Variants in CAMTA1 observed in about 807,000 individuals in gnomAD.
CAMTA1 encodes calmodulin-binding transcription activator 1.
In CAMTA1, 27 loss-of-function variants were observed where a neutral mutation model predicts 170.9. The observed-to-expected ratio is 0.16, with a 90% confidence interval of 0.12 to 0.22. CAMTA1 has a LOEUF of 0.22. Among genes scored for constraint, CAMTA1 ranks in the 10% least tolerant of loss-of-function variants. The pLI is 1.00. For synonymous variants in CAMTA1, 833 were observed against 891.5 expected (o/e 0.93, Z 1.17); for missense variants, 1,619 against 2,217.2 (o/e 0.73, Z 5.42).
chr1:7,001,197 C>T (rs894938118), intron 3 of CAMTA1, among the ~76,000 whole-genome samples: 5 of 152,170 alleles, frequency 3.3e-5, no homozygotes, highest in Admixed American at 6.5e-5. Flanking sequence ...ATTTTCAGAG[C>T]ACTTCTCACC....
At chr1:7,282,432 C>T (rs561475199) in intron 5 of CAMTA1, among the ~76,000 whole-genome samples, 6 of 152,292 alleles carry the variant, frequency 3.9e-5, no homozygotes, top group African/African-American at 1.4e-4. Context: ...AGCAGAATCA[C>T]CAGGCCAGCA....
chr1:7,571,835 T>C (rs1212151079), intron 6 of CAMTA1, among the ~76,000 whole-genome samples: 1 of 152,242 alleles, frequency 6.6e-6, no homozygotes, highest in East Asian at 1.9e-4. Context: ...ACAATTTATA[T>C]TCCTTTGGGT....
At chr1:7,698,724 C>A (rs2096405380) in intron 11 of CAMTA1, 2 of 152,306 alleles carry the variant, frequency 1.3e-5, no homozygotes, top group East Asian at 1.9e-4. Flanking sequence ...GGATCCCCAG[C>A]TGTCAGGGAC....
At chr1:7,166,756 GA>G (rs1455234554) in intron 4 of CAMTA1, among the ~76,000 whole-genome samples, 2 of 150,464 alleles carry the variant, frequency 1.3e-5, no homozygotes, top group Non-Finnish European at 3.0e-5. Flanking sequence ...ATACTTTTAA[GA>G]AAGTGTTCCT....
In CAMTA1 at chr1:7,661,777, C is replaced by T. The variant is rs200384307; in HGVS notation, c.716C>T (p.Ser239Leu). The change falls in exon 8 of 23, where the codon TCG becomes TTG. Residue 239 changes from serine to leucine, a missense_variant. Physicochemically the swap from Ser to Leu is moderately radical, Grantham distance 145 (BLOSUM62 -2). Transcript: ENST00000303635. ...CSNGNSSSGF[S>L]VEQLVQQILD... ...AATGGGAACAGCAGCTCAGGCTTCT[C>T]GGTGGAACAGCTGGTGCAGCAGATC... 1.0e-4 allele frequency: 164 copies of T among 1,613,848 alleles called. No individual in the cohort carries two copies. The highest frequency in any genetic ancestry group is 1.3e-4 in the Non-Finnish European group (155 of 1,180,012).
chr1:6,799,315 T>C (rs757946684), intron 1 of CAMTA1, among the ~76,000 whole-genome samples: 15 of 152,170 alleles, frequency 9.9e-5, no homozygotes, highest in Non-Finnish European at 1.8e-4. Flanking sequence ...GCAGTCATCC[T>C]GTCTCAGCCT....
intron 3 of CAMTA1, among the ~76,000 whole-genome samples, chr1:6,834,178 A>G (rs1308162131): frequency 1.4e-5 from 2 of 147,392 alleles, no homozygotes; most frequent in Non-Finnish European, 3.0e-5. Flanking sequence ...TTTACTGTTA[A>G]TCATCTTTTT....
At chr1:7,491,120 T>A (rs2093696944) in intron 6 of CAMTA1, among the ~76,000 whole-genome samples, 1 of 152,162 alleles carries the variant, frequency 6.6e-6, no homozygotes, top group African/African-American at 2.4e-5. Flanking sequence ...TACCTCCACA[T>A]CTGAACTCCT....
At position 6,895,553 on chromosome 1, in the gene CAMTA1, A is replaced by G. The variant is rs547382245; in HGVS notation, c.234+70343A>G. Among the ~76,000 whole-genome samples the G allele has an allele frequency of 1.6e-4, 24 of 152,342 alleles. No homozygotes were observed. In the South Asian group the frequency reaches 4.8e-3, roughly 30 times the overall value. On this transcript the variant is annotated intron_variant, in intron 3 of 22. Coordinates refer to ENST00000303635, the MANE Select transcript of CAMTA1 (RefSeq NM_015215.4). ...AGCTTAAACCCTACAGTGACTTTCT[A>G]TCCATTTGGAGTCCGGTCAGCATGA...
At chr1:6,868,883 A>C (rs1389842906) in intron 3 of CAMTA1, among the ~76,000 whole-genome samples, 2 of 152,194 alleles carry the variant, frequency 1.3e-5, no homozygotes, top group African/African-American at 4.8e-5. Context: ...TTCCAGTTTT[A>C]GATTAAGGAT....
At chr1:7,710,783 A>G (rs1357805673) in intron 11 of CAMTA1, among the ~76,000 whole-genome samples, 1 of 151,838 alleles carries the variant, frequency 6.6e-6, no homozygotes, top group Non-Finnish European at 1.5e-5. Flanking sequence ...CCAATATGGC[A>G]GCAGCAAGAT....
intron 6 of CAMTA1, among the ~76,000 whole-genome samples, chr1:7,604,002 A>G (rs1349786098): frequency 6.6e-6 from 1 of 152,188 alleles, no homozygotes; most frequent in Non-Finnish European, 1.5e-5. Context: ...AGAATGTTGA[A>G]TATTGGCCCC....
At position 7,044,879 on chromosome 1, in the gene CAMTA1, A is replaced by G. The variant is rs970813185; in HGVS notation, c.235-46425A>G. Among the ~76,000 whole-genome samples the G allele has an allele frequency of 1.7e-5, 2 of 120,268 alleles. No homozygotes were observed. Among genetic ancestry groups the G allele is most frequent in the Admixed American group, 1.7e-4 (2 of 11,476 alleles). 78.9% of individuals were successfully genotyped at this position (120,268 alleles called of 152,430 possible). Reference sequence around the variant, plus strand: ...CCAGCAGTGCCTCCTCTCCCCATTAACATCCCGCCATTTTGATTAAAAAAA... The same window carrying G: ...CCAGCAGTGCCTCCTCTCCCCATTAGCATCCCGCCATTTTGATTAAAAAAA... On this transcript the variant is annotated intron_variant, in intron 3 of 22. Coordinates refer to ENST00000303635, the MANE Select transcript of CAMTA1 (RefSeq NM_015215.4). The surrounding 1 kb of genome is among the most constrained non-coding windows in gnomAD (Gnocchi z 5.0).
In CAMTA1 at chr1:7,547,126, G is replaced by T. The variant is rs1429412495; in HGVS notation, c.510+79225G>T. Among the ~76,000 whole-genome samples, 1 of 151,940 alleles carries T rather than the reference G, an allele frequency of 6.6e-6. No homozygotes were observed. The highest frequency in any genetic ancestry group is 1.5e-5 in the Non-Finnish European group (1 of 67,994). ...GGACCTCCATTCAAGCTGGTTTCTGGGTCATTTGATATAAGCCCAATCATT... is the reference window on the plus strand; with the variant it reads ...GGACCTCCATTCAAGCTGGTTTCTGTGTCATTTGATATAAGCCCAATCATT... On this transcript the variant is annotated intron_variant, in intron 6 of 22. Transcript: ENST00000303635. This position sits in a 1 kb window ranked among gnomAD's most constrained non-coding sequence, Gnocchi z 5.7.
chr1:7,705,434 G>T (rs1027725217), intron 11 of CAMTA1, among the ~76,000 whole-genome samples: 6 of 151,480 alleles, frequency 4.0e-5, no homozygotes, highest in African/African-American at 1.2e-4. Context: ...GCGCGCGCGG[G>T]CCGGATGAGC....
intron 9 of CAMTA1, among the ~76,000 whole-genome samples, chr1:7,668,433 C>CA (rs36054481): frequency 2.9e-3 from 336 of 114,840 alleles, no homozygotes; most frequent in African/African-American, 8.6e-3. Flanking sequence ...ACACACACAC[C>CA]CACCACACAC....
chr1:7,661,399 C>T (rs550070644), intron 7 of CAMTA1, among the ~76,000 whole-genome samples: 1 of 152,344 alleles, frequency 6.6e-6, no homozygotes, highest in Admixed American at 6.5e-5. Flanking sequence ...CCTTTCTCTT[C>T]CATTCCAGCA....
At chr1:7,359,380 C>A (rs2085370460) in intron 5 of CAMTA1, among the ~76,000 whole-genome samples, 1 of 152,196 alleles carries the variant, frequency 6.6e-6, no homozygotes, top group South Asian at 2.1e-4. Flanking sequence ...AAACTGTGCT[C>A]TGGTGAGGCT....
Position 7,177,614 on chromosome 1 carries a change from G to A in CAMTA1, c.303-71877G>A, listed in dbSNP as rs577524104. On this transcript the variant is annotated intron_variant, in intron 4 of 22. Coordinates refer to ENST00000303635, the MANE Select transcript of CAMTA1 (RefSeq NM_015215.4). ...TACCGAGGCCCCTCCCATACACTGA[G>A]ACTCCTCCCACACACTGAAGCCCCT... Among the ~76,000 whole-genome samples, 5 of 148,544 alleles carry A rather than the reference G, an allele frequency of 3.4e-5. No individual in the cohort carries two copies. In the East Asian group the frequency reaches 1.0e-3, roughly 30 times the overall value.
Sources: allele counts gnomAD v4.1 joint callset (sites outside exome capture counted in the v4.1 genomes callset), GRCh38; gene constraint gnomAD v4.1.1; non-coding constraint Gnocchi (gnomAD v3.1); transcripts MANE v1.5; gene names NCBI Gene and HGNC (gene_info 2026-07-23, HGNC 2026-07-21).